Variants in CTNNA2 observed in about 807,000 individuals in gnomAD.
CTNNA2 encodes the protein catenin alpha 2.
Under a neutral mutation model 101.0 loss-of-function variants are expected in CTNNA2, and 42 were observed. That is an observed-to-expected ratio of 0.42 (90% confidence interval 0.32 to 0.54). The LOEUF (loss-of-function observed/expected upper bound fraction) is 0.54, where lower values mean the gene tolerates loss of function less well. CTNNA2 is among the 20% of genes least tolerant of loss of function. CTNNA2 has a pLI of 0.14. For synonymous variants in CTNNA2, 450 were observed against 456.4 expected (o/e 0.99, Z 0.18); for missense variants, 871 against 1,223.1 (o/e 0.71, Z 4.29).
intron 2 of CTNNA2, among the ~76,000 whole-genome samples, chr2:79,311,918 T>C (rs1676383849): frequency 6.6e-6 from 1 of 152,190 alleles, no homozygotes. Flanking sequence ...TTGTTTTTTA[T>C]TTGAAACAGA....
chr2:80,619,265 T>C, intron 18 of CTNNA2, 37 bp downstream of exon 18: 1 of 1,469,360 alleles, frequency 6.8e-7, no homozygotes, highest in African/African-American at 1.4e-5. Flanking sequence ...TGTCTTTCAT[T>C]GTAATCATGA....
intron 4 of CTNNA2, among the ~76,000 whole-genome samples, chr2:79,861,310 G>A (rs1296514812): frequency 6.6e-6 from 1 of 152,134 alleles, no homozygotes; most frequent in African/African-American, 2.4e-5. Context: ...CTTTCCAGAT[G>A]TTAATTTTTC....
At chr2:79,207,002 C>T (rs538592696) in intron 2 of CTNNA2, among the ~76,000 whole-genome samples, 29 of 152,226 alleles carry the variant, frequency 1.9e-4, no homozygotes, top group South Asian at 4.1e-4. Context: ...CATCTCTTCC[C>T]TTGGAAGGCC....
At chr2:80,479,905 A>C (rs994533505) in intron 9 of CTNNA2, among the ~76,000 whole-genome samples, 1 of 152,182 alleles carries the variant, frequency 6.6e-6, no homozygotes, top group Non-Finnish European at 1.5e-5. Context: ...TCTTTTGTCA[A>C]CTTTGGAGAA....
At chr2:79,781,280 C>T (rs1674404859) in intron 3 of CTNNA2, among the ~76,000 whole-genome samples, 1 of 152,174 alleles carries the variant, frequency 6.6e-6, no homozygotes, top group Admixed American at 6.5e-5. Context: ...GACCAGAGAT[C>T]ACTCTCGTCA....
intron 2 of CTNNA2, among the ~76,000 whole-genome samples, chr2:79,678,107 A>G (rs1683306692): frequency 6.6e-6 from 1 of 152,236 alleles, no homozygotes; most frequent in South Asian, 2.1e-4. Flanking sequence ...AATTATATAC[A>G]GAAGGCAGAT....
At chr2:79,354,948 G>T (rs1395337484) in intron 3 of CTNNA2, among the ~76,000 whole-genome samples, 1 of 152,132 alleles carries the variant, frequency 6.6e-6, no homozygotes, top group Non-Finnish European at 1.5e-5. Flanking sequence ...CACTTGGTAG[G>T]AGAGGCTCTC....
chr2:80,167,441 AATG>A, intron 7 of CTNNA2, among the ~76,000 whole-genome samples: 1 of 152,298 alleles, frequency 6.6e-6, no homozygotes, highest in African/African-American at 2.4e-5. Flanking sequence ...GCAATGCAGT[AATG>A]ATATTTATGT....
chr2:80,572,003 T>C (rs1434065), intron 12 of CTNNA2, among the ~76,000 whole-genome samples: 142,083 of 152,174 alleles, frequency 0.93, 66,395 homozygotes, highest in South Asian at 0.96. Context: ...TAATCAGCAT[T>C]TCTTTAGAAG....
chr2:80,193,276 A>G (rs1384971681), intron 7 of CTNNA2, among the ~76,000 whole-genome samples: 3 of 152,224 alleles, frequency 2.0e-5, no homozygotes, highest in African/African-American at 7.2e-5. Context: ...ATGTACATCA[A>G]GTGTTTGGTG....
At chr2:79,607,267 A>G (rs1187674934) in intron 1 of CTNNA2, among the ~76,000 whole-genome samples, 1 of 152,216 alleles carries the variant, frequency 6.6e-6, no homozygotes, top group Non-Finnish European at 1.5e-5. Context: ...TGTGGCACAT[A>G]AACTGATGGA....
At chr2:80,543,960 G>A (rs1691812678) in intron 9 of CTNNA2, among the ~76,000 whole-genome samples, 1 of 152,098 alleles carries the variant, frequency 6.6e-6, no homozygotes, top group Admixed American at 6.5e-5. Flanking sequence ...CCCCATTCTT[G>A]TGTTGTCTTG....
intron 18 of CTNNA2, among the ~76,000 whole-genome samples, chr2:80,635,971 CTTTTTTT>C (rs60757492): frequency 1.4e-4 from 16 of 115,654 alleles, no homozygotes; most frequent in Non-Finnish European, 7.0e-5. Context: ...ATGCCCATTG[CTTTTTTT>C]TTTTTTTTTT....
chr2:79,206,975 T>G (rs1674108076), intron 2 of CTNNA2, among the ~76,000 whole-genome samples: 2 of 152,136 alleles, frequency 1.3e-5, no homozygotes, highest in African/African-American at 4.8e-5. Context: ...ATACCCTGAG[T>G]GTAGGTGACA....
At chr2:80,049,362 C>A (rs1696725558) in intron 7 of CTNNA2, among the ~76,000 whole-genome samples, 2 of 152,136 alleles carry the variant, frequency 1.3e-5, no homozygotes, top group African/African-American at 4.8e-5. Flanking sequence ...AGTCCCCATA[C>A]CCCATAGGGA....
At chr2:79,623,573 G>A (rs1679123356) in intron 1 of CTNNA2, among the ~76,000 whole-genome samples, 1 of 152,100 alleles carries the variant, frequency 6.6e-6, no homozygotes, top group Non-Finnish European at 1.5e-5. Flanking sequence ...TCATCACATG[G>A]ATCATAGTTC....
At chr2:80,627,715 G>T (rs1235565823) in intron 18 of CTNNA2, among the ~76,000 whole-genome samples, 6 of 152,082 alleles carry the variant, frequency 3.9e-5, no homozygotes, top group African/African-American at 1.2e-4. Flanking sequence ...AGTTTAATTA[G>T]ATCCCATTTA....
intron 1 of CTNNA2, among the ~76,000 whole-genome samples, chr2:79,638,236 T>A (rs935392968): frequency 2.0e-5 from 3 of 152,236 alleles, no homozygotes; most frequent in African/African-American, 7.2e-5. Context: ...ACAGGCCTCA[T>A]TTGCATTTCC....
At chr2:80,263,939 A>G (rs999741212) in intron 7 of CTNNA2, among the ~76,000 whole-genome samples, 2 of 152,178 alleles carry the variant, frequency 1.3e-5, no homozygotes, top group African/African-American at 4.8e-5. Flanking sequence ...TCAAAGCCAT[A>G]CTTAGGCTTA....
Sources: gnomAD v4.1 joint callset for allele counts (sites outside exome capture counted in the v4.1 genomes callset) on GRCh38, gnomAD v4.1.1 for gene constraint, MANE v1.5 for transcripts, NCBI Gene and HGNC (gene_info 2026-07-23, HGNC 2026-07-21) for gene names.